CEP350: variants seen among roughly 807,000 people sequenced by gnomAD.
CEP350 encodes centrosome-associated protein 350.
Under a neutral mutation model 331.8 loss-of-function variants are expected in CEP350, and 126 were observed. The ratio of observed to expected loss-of-function variants is 0.38; its 90% CI spans 0.33 to 0.44. The LOEUF (loss-of-function observed/expected upper bound fraction) is 0.44, where lower values mean the gene tolerates loss of function less well. CEP350 is among the 20% of genes least tolerant of loss of function. CEP350 has a pLI of 1.00. For synonymous variants in CEP350, 1,200 were observed against 1,259.5 expected (o/e 0.95, Z 1.00); for missense variants, 3,406 against 3,634.6 (o/e 0.94, Z 1.62).
intron 4 of CEP350, among the ~76,000 whole-genome samples, chr1:179,991,397 A>G (rs1303368300): frequency 6.8e-6 from 1 of 147,620 alleles, no homozygotes; most frequent in African/African-American, 2.5e-5. Flanking sequence ...ACTCACTGCA[A>G]CCTCTACGTC....
At chr1:179,969,914 T>C (rs1319972767) in intron 1 of CEP350, among the ~76,000 whole-genome samples, 1 of 152,240 alleles carries the variant, frequency 6.6e-6, no homozygotes, top group East Asian at 1.9e-4. Flanking sequence ...GTGAAACTTT[T>C]ATACTTTTAG....
At chr1:179,999,047 G>A (rs1653683031) in intron 6 of CEP350, among the ~76,000 whole-genome samples, 1 of 151,992 alleles carries the variant, frequency 6.6e-6, no homozygotes, top group African/African-American at 2.4e-5. Context: ...CAAATGGCGA[G>A]GTCAAAATAT....
In CEP350 at chr1:180,062,274, C is replaced by A. The variant is rs1241915273; in HGVS notation, c.5317C>A (p.Leu1773Met). 2 of 1,610,322 alleles carry A rather than the reference C, an allele frequency of 1.2e-6. No homozygotes were observed. The highest frequency in any genetic ancestry group is 3.4e-5 in the Admixed American group (2 of 59,542). ...ANKAARKERQ[L>M]ILKQQEEIEK... ...TAAGGCAGCTCGGAAGGAAAGACAG[C>A]TGATTCTTAAACAGCAGGAGGAGAT... is the stretch of plus-strand genomic sequence containing the variant. The change falls in exon 26 of 38, where the codon CTG becomes ATG. Residue 1773 changes from leucine (L) to methionine (M), a missense_variant. Physicochemically the swap from Leu to Met is conservative, Grantham distance 15. Transcript: ENST00000367607.
intron 32 of CEP350, among the ~76,000 whole-genome samples, chr1:180,088,023 T>A (rs995235450): frequency 6.6e-6 from 1 of 152,142 alleles, no homozygotes; most frequent in Admixed American, 6.5e-5. Context: ...TTGGCTATGT[T>A]TCAGAAGTCA....
chr1:179,992,199 C>G lies in CEP350; in HGVS notation c.373C>G (p.Arg125Gly), dbSNP rs745381316. The change falls in exon 5 of 38, where the codon CGT (arginine) becomes GGT (glycine). Residue 125 changes from arginine to glycine, a missense_variant. Coordinates refer to ENST00000367607, the MANE Select transcript of CEP350 (RefSeq NM_014810.5). ...NVKKNNRVEFREPLVSYREIH... is the reference protein window; with the variant it reads ...NVKKNNRVEFGEPLVSYREIH... ...GAAGAAAAATAATCGTGTGGAATTT[C>G]GTGAACCTTTGGTTTCTTATAGGTT... 6.7e-7 allele frequency: 1 copy of G among 1,497,018 alleles called. No homozygotes were observed. The highest frequency in any genetic ancestry group is 2.8e-5 in the Admixed American group (1 of 35,622). 92.7% of individuals were successfully genotyped at this position (1,497,018 alleles called of 1,614,324 possible). A position where few individuals can be genotyped will look rare whatever the true frequency, so the allele number is the denominator to read the frequency against.
At chr1:180,106,879 G>T (rs1661177546) in intron 37 of CEP350, among the ~76,000 whole-genome samples, 1 of 151,526 alleles carries the variant, frequency 6.6e-6, no homozygotes. Context: ...ACCAACCTGT[G>T]CTCAACCTGT....
intron 9 of CEP350, among the ~76,000 whole-genome samples, chr1:180,012,707 T>C (rs888380076): frequency 2.0e-5 from 3 of 152,230 alleles, no homozygotes; most frequent in African/African-American, 7.2e-5. Flanking sequence ...TTAATTTGAA[T>C]TTCTGGAATG....
At chr1:180,108,557 C>T (rs546301356) in intron 37 of CEP350, among the ~76,000 whole-genome samples, 18 of 152,206 alleles carry the variant, frequency 1.2e-4, no homozygotes, top group Non-Finnish European at 2.4e-4. Context: ...AGGAAAGCTG[C>T]GCAACTTTGA....
chr1:180,091,145 C>G (rs1404953050), intron 33 of CEP350, among the ~76,000 whole-genome samples: 1 of 151,580 alleles, frequency 6.6e-6, no homozygotes, highest in Non-Finnish European at 1.5e-5. Context: ...GTAGCCAGGA[C>G]CAGGATCACA....
At position 179,955,012 on chromosome 1, in the gene CEP350, A is replaced by C. The variant is rs1254859063; in HGVS notation, c.-144A>C. ...TCCCCGGAGCCGGTGCGAGGAGGGC[A>C]CCCGGTGCGTCCCCGGAGCGGGGAG... On this transcript the variant is annotated 5_prime_UTR_variant, in exon 1 of 38. Coordinates refer to ENST00000367607, the MANE Select transcript of CEP350 (RefSeq NM_014810.5). 1 of 1,313,642 alleles carries C rather than the reference A, an allele frequency of 7.6e-7. No individual in the cohort carries two copies. Among genetic ancestry groups the C allele is most frequent in the African/African-American group, 1.5e-5 (1 of 64,618 alleles). The allele number at this position is 1,313,642 out of a possible 1,614,324, so 81.4% of individuals were successfully genotyped here.
chr1:180,014,421 A>C lies in CEP350; in HGVS notation c.1968A>C (p.Arg656=). 6.2e-7 allele frequency: 1 copy of C among 1,608,148 alleles called. No homozygotes were observed. The highest frequency in any genetic ancestry group is 8.5e-7 in the Non-Finnish European group (1 of 1,177,258). ...CTTCTGAGCCATCAGCAACTAGGCGACTACAGGAAACTTACTCCAAATTGC... is the reference window on the plus strand; with the variant it reads ...CTTCTGAGCCATCAGCAACTAGGCGCCTACAGGAAACTTACTCCAAATTGC... ...VPPSEPSATR[R]LQETYSKLLL... is the part of the protein sequence containing the mutation. Residue 656 remains arginine, a synonymous_variant, in exon 10 of 38, where the codon CGA becomes CGC. Transcript: ENST00000367607.
At chr1:180,088,756 A>T (rs1021817905) in intron 32 of CEP350, among the ~76,000 whole-genome samples, 2 of 152,198 alleles carry the variant, frequency 1.3e-5, no homozygotes, top group African/African-American at 4.8e-5. Flanking sequence ...AGGGATTTAT[A>T]AAGGTAAGAA....
chr1:180,036,051 C>G (rs1322089414), intron 16 of CEP350, among the ~76,000 whole-genome samples: 12 of 152,184 alleles, frequency 7.9e-5, no homozygotes, highest in African/African-American at 2.7e-4. Flanking sequence ...GAAGTTGATT[C>G]CAGCCCTCGT....
chr1:180,068,602 G>A (rs887191216), intron 27 of CEP350, among the ~76,000 whole-genome samples: 7 of 152,148 alleles, frequency 4.6e-5, no homozygotes, highest in African/African-American at 1.7e-4. Flanking sequence ...TATGGAACAA[G>A]TGAAACACTG....
intron 11 of CEP350, 142 bp from the exon 12 acceptor site, chr1:180,019,807 G>T: frequency 1.6e-6 from 1 of 609,496 alleles, no homozygotes; most frequent in Non-Finnish European, 2.6e-6. Context: ...TTGTTTTGCT[G>T]AGTGATCTTT....
rs1330153869 is a variant in CEP350 at position 180,112,835 on chromosome 1, C to T, written c.*1674C>T. The T allele has an allele frequency of 6.6e-6, 1 of 152,644 alleles. No homozygotes were observed. Among genetic ancestry groups the T allele is most frequent in the African/African-American group, 2.4e-5 (1 of 41,452 alleles). 9.5% of individuals were successfully genotyped at this position (152,644 alleles called of 1,614,324 possible). Reference sequence around the variant, plus strand: ...ATATTTCACTATGCACACTCCCATTCCTCTTGGGTTTCATCTTGTCGTTTA... The same window carrying T: ...ATATTTCACTATGCACACTCCCATTTCTCTTGGGTTTCATCTTGTCGTTTA... On this transcript the variant is annotated 3_prime_UTR_variant, in exon 38 of 38. Coordinates refer to ENST00000367607, the MANE Select transcript of CEP350 (RefSeq NM_014810.5).
intron 25 of CEP350, among the ~76,000 whole-genome samples, chr1:180,057,974 C>G (rs1418055998): frequency 1.3e-5 from 2 of 152,168 alleles, no homozygotes; most frequent in African/African-American, 4.8e-5. Context: ...TTTGAGATCT[C>G]CTGAGTCTCC....
intron 20 of CEP350, 57 bp downstream of exon 20, chr1:180,043,249 T>G: frequency 2.6e-6 from 4 of 1,522,810 alleles, no homozygotes; most frequent in Admixed American, 2.1e-5. Flanking sequence ...TTAATATTCA[T>G]TCAGCAAATA....
chr1:180,063,591 C>T (rs1042264165), intron 26 of CEP350, among the ~76,000 whole-genome samples: 6 of 152,040 alleles, frequency 3.9e-5, no homozygotes, highest in Non-Finnish European at 7.4e-5. Context: ...GTGGGCAGAT[C>T]GCTTGAGCTC....
Sources: allele counts gnomAD v4.1 joint callset (sites outside exome capture counted in the v4.1 genomes callset), GRCh38; gene constraint gnomAD v4.1.1; transcripts MANE v1.5; gene names NCBI Gene and HGNC (gene_info 2026-07-23, HGNC 2026-07-21).